The following FBXO42 variants were observed in gnomAD, a reference collection of about 807,000 sequenced individuals.
The protein encoded by FBXO42 is F-box protein 42.
Under a neutral mutation model 71.7 loss-of-function variants are expected in FBXO42, and 12 were observed. The ratio of observed to expected loss-of-function variants is 0.17; its 90% CI spans 0.11 to 0.27. The LOEUF (loss-of-function observed/expected upper bound fraction) is 0.27. Ranked by LOEUF, FBXO42 falls within the 10% of genes least tolerant of loss-of-function variation. The probability of loss-of-function intolerance (pLI) is 1.00; values close to 1 mark genes in which losing one functional copy is unlikely to be tolerated. For synonymous variants in FBXO42, 325 were observed against 327.5 expected, an observed-to-expected ratio of 0.99 and a Z score of 0.08; for missense variants, 707 against 911.9, an observed-to-expected ratio of 0.78 and a Z score of 2.89.
intron 4 of FBXO42, among the ~76,000 whole-genome samples, chr1:16,269,965 C>T (rs939401152): frequency 2.6e-5 from 4 of 152,176 alleles, no homozygotes; most frequent in African/African-American, 9.7e-5. Context: ...AAGTGATCTT[C>T]CCACATCAGC....
intron 4 of FBXO42, chr1:16,292,617 G>A (rs535455672): frequency 6.6e-6 from 1 of 151,512 alleles, no homozygotes; most frequent in East Asian, 1.9e-4. Flanking sequence ...CTTTAAACTT[G>A]ATGGTTTAAA....
Position 16,251,467 on chromosome 1 carries a change from C to A in FBXO42, c.1357G>T (p.Gly453Cys), listed in dbSNP as rs146081658. The part of the protein sequence containing the change: ...SLSPGTAAVG[G>C]SSLDSPVQAI... ...TGTACAGGACTGTCCAAAGAAGAGC[C>A]ACCCACAGCTGCCGTTCCTGGAGAC... The change falls in exon 10 of 10, where the codon GGC (glycine) becomes TGC (cysteine). Residue 453 changes from glycine to cysteine, a missense_variant. Coordinates refer to ENST00000375592, the MANE Select transcript of FBXO42 (RefSeq NM_018994.3). This position sits in a 1 kb window ranked among gnomAD's most constrained non-coding sequence, Gnocchi z 4.5. 1 of 1,614,118 alleles carries A rather than the reference C, an allele frequency of 6.2e-7. No individual in the cohort carries two copies. Among genetic ancestry groups the A allele is most frequent in the Non-Finnish European group, 8.5e-7 (1 of 1,180,024 alleles).
chr1:16,343,336 G>A (rs1276208839), intron 1 of FBXO42, among the ~76,000 whole-genome samples: 3 of 152,212 alleles, frequency 2.0e-5, no homozygotes, highest in Admixed American at 6.5e-5. Flanking sequence ...TTGAAGACAC[G>A]AATTCCAGAC....
At position 16,251,972 on chromosome 1, in the gene FBXO42, G is replaced by A. The variant is rs918203474; in HGVS notation, c.1039-187C>T. Among the ~76,000 whole-genome samples, 7 of 152,224 alleles carry A rather than the reference G, an allele frequency of 4.6e-5. No individual in the cohort carries two copies. The stretch of plus-strand genomic sequence containing the variant: ...GACATGGGAACAATCGCTGCTTTGT[G>A]TGACATATGCTATCATTAGAGATAT... On this transcript the variant is annotated intron_variant, in intron 9 of 9. Coordinates refer to ENST00000375592, the MANE Select transcript of FBXO42 (RefSeq NM_018994.3). The surrounding 1 kb of genome is among the most constrained non-coding windows in gnomAD (Gnocchi z 4.5).
At chr1:16,342,445 G>A (rs1204696034) in intron 1 of FBXO42, among the ~76,000 whole-genome samples, 1 of 150,186 alleles carries the variant, frequency 6.7e-6, no homozygotes, top group East Asian at 2.0e-4. Context: ...CAATGGACAC[G>A]GTGGCACCTG....
At position 16,249,555 on chromosome 1, in the gene FBXO42, A is replaced by G. The variant is rs2081570013; in HGVS notation, c.*1115T>C. 6.6e-6 allele frequency: 1 copy of G among 152,228 alleles called. No individual in the cohort carries two copies. The highest frequency in any genetic ancestry group is 1.5e-5 in the Non-Finnish European group (1 of 68,040). 9.4% of individuals were successfully genotyped at this position (152,228 alleles called of 1,614,324 possible). A position where few individuals can be genotyped will look rare whatever the true frequency, so the allele number is the denominator to read the frequency against. Reference sequence around the variant, plus strand: ...TACAAATATGGGATGAGTGTGCTCAATGTGCTTTGGAAGTAAAAAGAAGCC... The same window carrying G: ...TACAAATATGGGATGAGTGTGCTCAGTGTGCTTTGGAAGTAAAAAGAAGCC... On this transcript the variant is annotated 3_prime_UTR_variant, in exon 10 of 10. Transcript: ENST00000375592.
chr1:16,296,701 G>A (rs1215751747), intron 3 of FBXO42, among the ~76,000 whole-genome samples: 1 of 149,710 alleles, frequency 6.7e-6, no homozygotes, highest in Non-Finnish European at 1.5e-5. Flanking sequence ...GAAATTCACA[G>A]ATTCATTGCC....
At chr1:16,282,089 T>C (rs947421780) in intron 4 of FBXO42, among the ~76,000 whole-genome samples, 7 of 152,032 alleles carry the variant, frequency 4.6e-5, no homozygotes, top group African/African-American at 1.7e-4. Flanking sequence ...GTTTAGCACA[T>C]CACATACTCA....
At chr1:16,285,101 G>A (rs1326602849) in intron 4 of FBXO42, among the ~76,000 whole-genome samples, 1 of 151,618 alleles carries the variant, frequency 6.6e-6, no homozygotes, top group African/African-American at 2.4e-5. Context: ...AGCCGAGATC[G>A]CACCCCTGTA....
At chr1:16,315,137 C>CAATA in intron 2 of FBXO42, 32 bp downstream of exon 2, 1 of 1,553,084 alleles carries the variant, frequency 6.4e-7, no homozygotes, top group African/African-American at 1.4e-5. Context: ...AATTTGAAAT[C>CAATA]AATAAATAAA....
intron 2 of FBXO42, among the ~76,000 whole-genome samples, chr1:16,308,778 T>A (rs1001400945): frequency 2.6e-5 from 3 of 115,246 alleles, no homozygotes; most frequent in South Asian, 3.1e-4. Context: ...GGAGTCTCAC[T>A]CTGCTGCCCA....
intron 4 of FBXO42, among the ~76,000 whole-genome samples, chr1:16,263,602 A>C: frequency 6.6e-6 from 1 of 151,626 alleles, no homozygotes; most frequent in Non-Finnish European, 1.5e-5. Context: ...GCACACCTGT[A>C]ATCCCAGCTT....
intron 1 of FBXO42, among the ~76,000 whole-genome samples, chr1:16,342,485 G>A (rs985437837): frequency 5.9e-5 from 9 of 151,438 alleles, no homozygotes; most frequent in Non-Finnish European, 1.0e-4. Flanking sequence ...GGGAGGCTGG[G>A]GTAGGAGGGT....
intron 4 of FBXO42, among the ~76,000 whole-genome samples, chr1:16,285,322 G>A (rs1478139420): frequency 6.6e-6 from 1 of 152,112 alleles, no homozygotes; most frequent in Non-Finnish European, 1.5e-5. Context: ...TGCCCAGGCT[G>A]GAGTGCAATG....
intron 1 of FBXO42, among the ~76,000 whole-genome samples, chr1:16,337,010 G>C (rs2082558678): frequency 6.6e-6 from 1 of 152,008 alleles, no homozygotes; most frequent in Admixed American, 6.6e-5. Flanking sequence ...AAACATTTCT[G>C]CAATTGGACT....
chr1:16,295,644 C>T (rs1384772042), intron 3 of FBXO42, among the ~76,000 whole-genome samples: 4 of 152,146 alleles, frequency 2.6e-5, no homozygotes, highest in East Asian at 1.9e-4. Context: ...CCACCCGCCT[C>T]GGCCTCTCAA....
intron 4 of FBXO42, among the ~76,000 whole-genome samples, chr1:16,290,033 C>T (rs1343503052): frequency 1.3e-5 from 2 of 152,148 alleles, no homozygotes; most frequent in African/African-American, 4.8e-5. Flanking sequence ...TCCATGAGGG[C>T]AGGGGCCACA....
chr1:16,272,508 C>T (rs180979588), intron 4 of FBXO42, among the ~76,000 whole-genome samples: 2 of 152,250 alleles, frequency 1.3e-5, no homozygotes, highest in East Asian at 1.9e-4. Flanking sequence ...ATCCACCCGC[C>T]TTGGCCTCCC....
intron 2 of FBXO42, among the ~76,000 whole-genome samples, chr1:16,308,518 T>TG (rs1557595233): frequency 1.4e-5 from 2 of 143,264 alleles, no homozygotes; most frequent in Admixed American, 7.1e-5. Flanking sequence ...TTTTTTCCTT[T>TG]AGACTGAGTC....
Sources: allele counts gnomAD v4.1 joint callset (sites outside exome capture counted in the v4.1 genomes callset), GRCh38; gene constraint gnomAD v4.1.1; non-coding constraint Gnocchi (gnomAD v3.1); transcripts MANE v1.5; gene names NCBI Gene and HGNC (gene_info 2026-07-23, HGNC 2026-07-21).